The following WDR41 variants were observed in gnomAD, a reference collection of about 807,000 sequenced individuals.
WDR41 encodes the protein WD repeat domain 41, also known as WD repeat-containing protein 41.
Under a neutral mutation model 69.3 loss-of-function variants are expected in WDR41, and 63 were observed. The ratio of observed to expected loss-of-function variants is 0.91; its 90% CI spans 0.74 to 1.12. The LOEUF is 1.12. Ranked by LOEUF, WDR41 falls within the 50% of genes most tolerant of loss-of-function variation. WDR41 has a pLI of 0.00. For missense variants in WDR41, 543 were observed against 534.5 expected (o/e 1.02, Z -0.16); for synonymous variants, 185 against 192.1 (o/e 0.96, Z 0.31).
chr5:77,574,753 G>A (rs1252613090), intron 1 of WDR41, among the ~76,000 whole-genome samples: 2 of 152,134 alleles, frequency 1.3e-5, no homozygotes, highest in Admixed American at 6.5e-5. Flanking sequence ...CACAGACAGC[G>A]ACATAGATCT....
intron 1 of WDR41, among the ~76,000 whole-genome samples, chr5:77,512,351 A>AGAGAGAGAGAGAGAGAGAGT (rs1561211233): frequency 6.7e-5 from 8 of 120,300 alleles, no homozygotes; most frequent in Admixed American, 2.6e-4. Flanking sequence ...AGAGAGAGAG[A>AGAGAGAGAGAGAGAGAGAGT]GTGAGTGTGT....
intron 1 of WDR41, among the ~76,000 whole-genome samples, chr5:77,605,339 T>A (rs932081433): frequency 2.0e-5 from 3 of 152,210 alleles, no homozygotes; most frequent in East Asian, 3.9e-4. Flanking sequence ...ATTCTCACCA[T>A]AAATCACTTC....
chr5:77,440,925 G>T lies in WDR41; in HGVS notation c.770C>A (p.Ala257Asp). 2.5e-6 allele frequency: 4 copies of T among 1,614,126 alleles called. No homozygotes were observed. The highest frequency in any genetic ancestry group is 3.4e-6 in the Non-Finnish European group (4 of 1,180,020). ...IWDALDWTMQ[A>D]YERNFWDPSP... is the part of the protein sequence containing the mutation. Reference sequence around the variant, plus strand: ...TGGGTCCCAGAAGTTGCGTTCATAGGCCTGCATGGTCCAGTCCAGGGCATC... The same window carrying T: ...TGGGTCCCAGAAGTTGCGTTCATAGTCCTGCATGGTCCAGTCCAGGGCATC... The change falls in exon 9 of 13, where the codon GCC becomes GAC. Residue 257 changes from alanine (A) to aspartate (D), a missense_variant. Coordinates refer to ENST00000296679, the MANE Select transcript of WDR41 (RefSeq NM_018268.4).
intron 2 of WDR41, among the ~76,000 whole-genome samples, chr5:77,486,398 A>C (rs1367621942): frequency 3.9e-5 from 6 of 152,198 alleles, no homozygotes; most frequent in African/African-American, 1.4e-4. Flanking sequence ...ACTGTGGTAG[A>C]TCACAAACTG....
chr5:77,540,947 T>C (rs1301364479), intron 1 of WDR41, among the ~76,000 whole-genome samples: 1 of 152,162 alleles, frequency 6.6e-6, no homozygotes, highest in Non-Finnish European at 1.5e-5. Flanking sequence ...AAAGAAATTT[T>C]TCTAAAACCC....
At chr5:77,449,993 C>CAAAAAAAA in intron 7 of WDR41, 123 bp from the exon 8 acceptor site, 1 of 652,672 alleles carries the variant, frequency 1.5e-6, no homozygotes, top group Non-Finnish European at 2.7e-6. Context: ...AACCCATCTC[C>CAAAAAAAA]AAAAAAAAGC....
At chr5:77,520,186 T>C (rs997587825) in intron 1 of WDR41, among the ~76,000 whole-genome samples, 1 of 152,134 alleles carries the variant, frequency 6.6e-6, no homozygotes, top group Non-Finnish European at 1.5e-5. Context: ...TAAAATTAAT[T>C]TGCTAAATTA....
intron 3 of WDR41, among the ~76,000 whole-genome samples, chr5:77,463,865 T>C (rs769566278): frequency 6.6e-6 from 1 of 152,142 alleles, no homozygotes; most frequent in Non-Finnish European, 1.5e-5. Flanking sequence ...GTGAAAATAA[T>C]GTTAAAGAAC....
At chr5:77,464,886 T>C in intron 2 of WDR41, 77 bp from the exon 3 acceptor site, 2 of 1,423,852 alleles carry the variant, frequency 1.4e-6, no homozygotes, top group South Asian at 2.4e-5. Context: ...TATCAAACCT[T>C]ATTAGTGGTA....
At chr5:77,608,211 G>A (rs1744463929) in intron 1 of WDR41, among the ~76,000 whole-genome samples, 1 of 152,180 alleles carries the variant, frequency 6.6e-6, no homozygotes. Context: ...ACAGCAGAAT[G>A]TCCTCAAGGT....
At chr5:77,488,987 C>T (rs903328128) in intron 2 of WDR41, among the ~76,000 whole-genome samples, 7 of 152,074 alleles carry the variant, frequency 4.6e-5, no homozygotes, top group Non-Finnish European at 1.0e-4. Context: ...TACATGTTAG[C>T]AAGGAAGTAC....
intron 9 of WDR41, among the ~76,000 whole-genome samples, chr5:77,439,338 A>C (rs1439387064): frequency 1.3e-5 from 2 of 152,182 alleles, no homozygotes; most frequent in African/African-American, 4.8e-5. Context: ...ACTGAACCAA[A>C]GCATGCCCCC....
intron 1 of WDR41, among the ~76,000 whole-genome samples, chr5:77,561,404 A>G (rs1240074731): frequency 6.6e-6 from 1 of 152,212 alleles, no homozygotes; most frequent in Non-Finnish European, 1.5e-5. Flanking sequence ...GAATCTCACA[A>G]AATTCATGAA....
Position 77,543,595 on chromosome 5 carries a change from A to G in WDR41, c.43-54023T>C, listed in dbSNP as rs147669259. 2.7e-3 allele frequency among the ~76,000 whole-genome samples: 418 copies of G among 152,202 alleles called. 5 individuals are homozygous for G. Among genetic ancestry groups the G allele is most frequent in the African/African-American group, 9.7e-3 (403 of 41,474 alleles). On this transcript the variant is annotated intron_variant, in intron 1 of 5. Coordinates refer to the WDR41 transcript ENST00000509971. ...CAAGGTCTTTGAATTAACCCAATCC[A>G]AGAAAGACAAAGAAAAATGAATAAG...
At chr5:77,472,028 A>G (rs893231777) in intron 2 of WDR41, among the ~76,000 whole-genome samples, 12 of 152,208 alleles carry the variant, frequency 7.9e-5, no homozygotes, top group Non-Finnish European at 1.5e-4. Flanking sequence ...TCCTCAGTAA[A>G]ATACTGGCAA....
chr5:77,472,858 T>C (rs376589151), intron 2 of WDR41, among the ~76,000 whole-genome samples: 1 of 151,984 alleles, frequency 6.6e-6, no homozygotes, highest in African/African-American at 2.4e-5. Context: ...AGGTAATTTA[T>C]AGATTCAATG....
intron 1 of WDR41, among the ~76,000 whole-genome samples, chr5:77,516,908 G>A (rs1351019045): frequency 6.6e-6 from 1 of 151,608 alleles, no homozygotes; most frequent in Non-Finnish European, 1.5e-5. Context: ...TCCCAGCTAC[G>A]CGGGAGGCTG....
intron 2 of WDR41, 37 bp from the exon 3 acceptor site, chr5:77,464,846 TG>T: frequency 6.3e-7 from 1 of 1,596,682 alleles, no homozygotes; most frequent in Non-Finnish European, 8.6e-7. Context: ...AAAAAATCAC[TG>T]GTGACATTTA....
At chr5:77,519,994 T>A (rs1204419615) in intron 1 of WDR41, among the ~76,000 whole-genome samples, 1 of 152,110 alleles carries the variant, frequency 6.6e-6, no homozygotes, top group Non-Finnish European at 1.5e-5. Flanking sequence ...AAAATGTTTT[T>A]AGGCCTCTAA....
Sources: allele counts gnomAD v4.1 joint callset (sites outside exome capture counted in the v4.1 genomes callset), GRCh38; gene constraint gnomAD v4.1.1; transcripts MANE v1.5; gene names NCBI Gene and HGNC (gene_info 2026-07-23, HGNC 2026-07-21).